Variants in ATP1A2 observed in about 807,000 individuals in gnomAD.
The protein encoded by ATP1A2 is sodium/potassium-transporting ATPase subunit alpha-2.
A neutral mutation model predicts 113.1 loss-of-function variants in ATP1A2; 56 were observed. That is an observed-to-expected ratio of 0.49 (90% CI 0.40 to 0.62). ATP1A2 has a LOEUF of 0.62. Ranked by LOEUF, ATP1A2 falls within the 20% of genes least tolerant of loss-of-function variation. The probability of loss-of-function intolerance (pLI) is 0.00; values close to 1 mark genes in which losing one functional copy is unlikely to be tolerated. For synonymous variants in ATP1A2, 490 were observed against 526.8 expected (o/e 0.93, Z 0.96); for missense variants, 712 against 1,357.8 (o/e 0.52, Z 7.47).
chr1:160,125,318 G>A (rs1481351269), intron 7 of ATP1A2, 65 bp downstream of exon 7: 2 of 1,442,304 alleles, frequency 1.4e-6, no homozygotes, highest in East Asian at 2.3e-5. Flanking sequence ...CAGGATGAAG[G>A]GCTCTGGTAG....
rs1422381430 is a variant in ATP1A2 at position 160,124,554 on chromosome 1, G to A, written c.630+124G>A. The A allele has an allele frequency of 2.3e-5, 33 of 1,428,278 alleles. 1 individual carries two copies. The highest frequency in any genetic ancestry group is 3.0e-5 in the Non-Finnish European group (31 of 1,046,094). The allele number at this position is 1,428,278 out of a possible 1,614,324, so 88.5% of individuals were successfully genotyped here. A position where few individuals can be genotyped will look rare whatever the true frequency, so the allele number is the denominator to read the frequency against. On this transcript the variant is annotated intron_variant, in intron 6 of 22. Transcript: ENST00000361216. ...GTCCAAATGTCAACACCATGCCTAT[G>A]CCCCTGCTAAACCTTCTCTCAGTGT...
At position 160,121,271 on chromosome 1, in the gene ATP1A2, G is replaced by C. The variant is rs1475100565; in HGVS notation, c.177+20G>C. 1 of 1,614,032 alleles carries C rather than the reference G, an allele frequency of 6.2e-7. No homozygotes were observed. The highest frequency in any genetic ancestry group is 8.5e-7 in the Non-Finnish European group (1 of 1,179,910). On this transcript the variant is annotated intron_variant, in intron 3 of 22. Transcript: ENST00000361216. Reference sequence around the variant, plus strand: ...TCCAAGGTGAGTGGAGGGGCTTCTAGGGAAGGAACAAAAGAGGCAAGAAAA... The same window carrying C: ...TCCAAGGTGAGTGGAGGGGCTTCTACGGAAGGAACAAAAGAGGCAAGAAAA...
intron 1 of ATP1A2, among the ~76,000 whole-genome samples, chr1:160,118,830 C>T (rs927026814): frequency 5.9e-5 from 9 of 151,978 alleles, no homozygotes; most frequent in East Asian, 5.8e-4. Context: ...GCTGAATTGG[C>T]GACCTCTTAT....
intron 8 of ATP1A2, chr1:160,128,296 T>C (rs1248784066): frequency 8.0e-6 from 4 of 497,490 alleles, no homozygotes; most frequent in African/African-American, 1.9e-5. Flanking sequence ...CCTACACTGA[T>C]TCTCAGGCCT....
Position 160,135,377 on chromosome 1 carries a change from C to T in ATP1A2, c.2116-57C>T, listed in dbSNP as rs953657900. ...GCCAAGACAAGCATGGAGTGAGAGG[C>T]GAGGAGCCAGGCTTGGGAAGGGGTT... is the stretch of plus-strand genomic sequence containing the variant. On this transcript the variant is annotated intron_variant, in intron 15 of 22. Transcript: ENST00000361216. This position sits in a 1 kb window ranked among gnomAD's most constrained non-coding sequence, Gnocchi z 6.3. 1.4e-5 allele frequency: 23 copies of T among 1,613,982 alleles called. No homozygotes were observed. Among genetic ancestry groups the T allele is most frequent in the Admixed American group, 8.3e-5 (5 of 60,002 alleles).
intron 18 of ATP1A2, 97 bp downstream of exon 18, chr1:160,136,467 C>T: frequency 6.2e-7 from 1 of 1,612,462 alleles, no homozygotes; most frequent in East Asian, 2.2e-5. Context: ...GGACAGAGGC[C>T]AGCTACCCAA....
At position 160,135,096 on chromosome 1, in the gene ATP1A2, TGGTACAGGTGCCAGGGGTCAGCTG is replaced by T. The variant is rs1342599501; in HGVS notation, c.1965-48_1965-25del. ...AAGAGAGGCAGGGGGCAGGAGGGGC[TGGTACAGGTGCCAGGGGTCAGCTG>T]TCTCTGTCCCCACCCACCCTCCAGA... On this transcript the variant is annotated intron_variant, in intron 14 of 22. Transcript: ENST00000361216. The surrounding 1 kb of genome is among the most constrained non-coding windows in gnomAD (Gnocchi z 6.3). The T allele has an allele frequency of 5.0e-6, 8 of 1,612,442 alleles. No homozygotes were observed. Among genetic ancestry groups the T allele is most frequent in the Non-Finnish European group, 5.1e-6 (6 of 1,179,358 alleles).
chr1:160,133,922 C>A (rs1651839712), intron 13 of ATP1A2, among the ~76,000 whole-genome samples: 2 of 152,034 alleles, frequency 1.3e-5, no homozygotes, highest in Non-Finnish European at 2.9e-5. Context: ...TGCACTTAAG[C>A]AAACTATCTC....
chr1:160,140,128 G>A (rs941854522), intron 22 of ATP1A2, 144 bp downstream of exon 22: 29 of 828,162 alleles, frequency 3.5e-5, no homozygotes, highest in Non-Finnish European at 5.6e-5. Flanking sequence ...CAGGTCCCAG[G>A]AGCCCTGACT....
At chr1:160,140,115 TCCCAGGTCCCAGGAG>T in intron 22 of ATP1A2, 131 bp downstream of exon 22, 1 of 899,012 alleles carries the variant, frequency 1.1e-6, no homozygotes, top group Non-Finnish European at 1.8e-6. Flanking sequence ...GATCCTGGGG[TCCCAGGTCCCAGGAG>T]CCCTGACTCT....
At chr1:160,128,476 T>A in intron 8 of ATP1A2, 176 bp from the exon 9 acceptor site, 1 of 1,528,992 alleles carries the variant, frequency 6.5e-7, no homozygotes, top group Non-Finnish European at 8.8e-7. Context: ...TCTTAACAGA[T>A]ACTCATGATC....
intron 20 of ATP1A2, 64 bp from the exon 21 acceptor site, chr1:160,139,576 G>T: frequency 1.4e-6 from 2 of 1,432,150 alleles, no homozygotes; most frequent in South Asian, 1.1e-5. Flanking sequence ...CACCCCAGGG[G>T]TATCCCAGGA....
intron 4 of ATP1A2, 91 bp downstream of exon 4, chr1:160,123,507 C>T: frequency 1.3e-6 from 2 of 1,511,400 alleles, no homozygotes; most frequent in South Asian, 2.3e-5. Flanking sequence ...GGAACAAGGC[C>T]CTCACATAAC....
chr1:160,135,235 C>G lies in ATP1A2; in HGVS notation c.2055C>G (p.Ile685Met). 6.2e-7 allele frequency: 1 copy of G among 1,614,176 alleles called. No individual in the cohort carries two copies. The part of the protein sequence containing the change: ...LDEILKNHTE[I>M]VFARTSPQQK... ...AGATCCTCAAGAACCACACAGAGATCGTCTTTGCTCGAACGTCTCCCCAGC... is the reference window on the plus strand; with the variant it reads ...AGATCCTCAAGAACCACACAGAGATGGTCTTTGCTCGAACGTCTCCCCAGC... The change falls in exon 15 of 23, where the codon ATC (isoleucine) becomes ATG (methionine). Residue 685 changes from isoleucine (I) to methionine (M), a missense_variant. Physicochemically the swap from Ile to Met is conservative, Grantham distance 10. Coordinates refer to ENST00000361216, the MANE Select transcript of ATP1A2 (RefSeq NM_000702.4). This position sits in a 1 kb window ranked among gnomAD's most constrained non-coding sequence, Gnocchi z 6.3.
At chr1:160,125,087 A>T (rs375201787) in intron 6 of ATP1A2, 49 bp from the exon 7 acceptor site, 17 of 1,502,800 alleles carry the variant, frequency 1.1e-5, no homozygotes, top group Non-Finnish European at 1.6e-5. Flanking sequence ...AGCTGTGTGC[A>T]TACAAGTGGC....
At chr1:160,124,185 A>G in intron 5 of ATP1A2, 111 bp from the exon 6 acceptor site, 1 of 1,550,978 alleles carries the variant, frequency 6.4e-7, no homozygotes, top group East Asian at 2.4e-5. Context: ...CCATGCCAGC[A>G]CCTAATTGTT....
chr1:160,136,802 G>A, intron 19 of ATP1A2, 87 bp downstream of exon 19: 1 of 1,609,932 alleles, frequency 6.2e-7, no homozygotes, highest in South Asian at 1.1e-5. Flanking sequence ...GTGGCCAACT[G>A]GGACTGGGGC....
At chr1:160,129,469 G>A in intron 11 of ATP1A2, 69 bp downstream of exon 11, 1 of 1,595,658 alleles carries the variant, frequency 6.3e-7, no homozygotes, top group Non-Finnish European at 8.5e-7. Flanking sequence ...CAAAGCCAAG[G>A]GGAATCATCA....
At chr1:160,134,237 A>ACC (rs1480994753) in intron 13 of ATP1A2, among the ~76,000 whole-genome samples, 24 of 113,478 alleles carry the variant, frequency 2.1e-4, no homozygotes, top group Middle Eastern at 0.01. Flanking sequence ...ATCCCCACCC[A>ACC]CACACACACA....
Sources: gnomAD v4.1 joint callset for allele counts (sites outside exome capture counted in the v4.1 genomes callset) on GRCh38, gnomAD v4.1.1 for gene constraint, Gnocchi (gnomAD v3.1) non-coding constraint, MANE v1.5 for transcripts, NCBI Gene and HGNC (gene_info 2026-07-23, HGNC 2026-07-21) for gene names.